DPP6: variants seen among roughly 807,000 people sequenced by gnomAD.
The protein encoded by DPP6 is A-type potassium channel modulatory protein DPP6.
A neutral mutation model predicts 122.6 loss-of-function variants in DPP6; 69 were observed. That is an observed-to-expected ratio of 0.56 (90% CI 0.46 to 0.69). The LOEUF is 0.69. DPP6 is among the 30% of genes least tolerant of loss of function. The probability of loss-of-function intolerance (pLI) is 0.00; values close to 1 mark genes in which losing one functional copy is unlikely to be tolerated. For synonymous variants in DPP6, 418 were observed against 433.1 expected (o/e 0.97, Z 0.43); for missense variants, 928 against 1,116.9 (o/e 0.83, Z 2.41).
At chr7:153,897,359 T>C (rs1464032606) in intron 1 of DPP6, among the ~76,000 whole-genome samples, 1 of 152,236 alleles carries the variant, frequency 6.6e-6, no homozygotes, top group Non-Finnish European at 1.5e-5. Context: ...TGGGAGAGTA[T>C]GTCTTCTGCT....
chr7:154,540,951 A>G (rs1828676925), intron 4 of DPP6, among the ~76,000 whole-genome samples: 1 of 152,202 alleles, frequency 6.6e-6, no homozygotes, highest in Non-Finnish European at 1.5e-5. Flanking sequence ...AGAATACTTC[A>G]GGAGAATTTG....
intron 21 of DPP6, among the ~76,000 whole-genome samples, chr7:154,881,885 G>A (rs944905710): frequency 2.6e-5 from 4 of 152,084 alleles, no homozygotes; most frequent in Non-Finnish European, 5.9e-5. Context: ...TGCATTCCAG[G>A]TGCCTAGATG....
intron 6 of DPP6, among the ~76,000 whole-genome samples, chr7:154,644,628 G>C (rs1468705216): frequency 6.6e-6 from 1 of 151,818 alleles, no homozygotes; most frequent in Non-Finnish European, 1.5e-5. Flanking sequence ...GCTGCCGGAA[G>C]TTACAGAACT....
At chr7:154,412,935 A>G (rs113390019) in intron 1 of DPP6, among the ~76,000 whole-genome samples, 5,665 of 152,284 alleles carry the variant, frequency 0.037, 167 homozygotes, top group Non-Finnish European at 0.057. Context: ...TCCTCATGAG[A>G]AACACCTTTC....
At chr7:154,718,097 T>G (rs956326157) in intron 7 of DPP6, among the ~76,000 whole-genome samples, 3 of 152,222 alleles carry the variant, frequency 2.0e-5, no homozygotes, top group Non-Finnish European at 4.4e-5. Flanking sequence ...TTTAATCAAA[T>G]GATTTGGTTT....
intron 18 of DPP6, 70 bp from the exon 19 acceptor site, chr7:154,872,554 C>T (rs1584946891): frequency 4.5e-6 from 7 of 1,541,856 alleles, no homozygotes; most frequent in Non-Finnish European, 5.3e-6. Context: ...CCACGGTCAC[C>T]CAAGGGCATG....
intron 1 of DPP6, among the ~76,000 whole-genome samples, chr7:153,889,103 C>T (rs955695529): frequency 3.3e-5 from 5 of 152,168 alleles, no homozygotes; most frequent in Non-Finnish European, 7.3e-5. Flanking sequence ...TTCAAGACAC[C>T]TCGCAGGGAA....
At chr7:154,861,541 A>G (rs1227133246) in intron 17 of DPP6, among the ~76,000 whole-genome samples, 1 of 152,108 alleles carries the variant, frequency 6.6e-6, no homozygotes, top group Admixed American at 6.6e-5. Context: ...ACGTCATTTA[A>G]TCTTGGAAAT....
chr7:154,046,243 A>C lies in DPP6; in HGVS notation c.51+158509A>C, dbSNP rs76556859. Among the ~76,000 whole-genome samples the C allele has an allele frequency of 9.9e-5, 15 of 152,272 alleles. No homozygotes were observed. In the East Asian group the frequency reaches 2.9e-3, roughly 29 times the overall value. The stretch of plus-strand genomic sequence containing the variant: ...GGGACATGTTTTTGTATGGTGGATC[A>C]TCAGAGTGCAGAAGCCAGCTAGGGT... On this transcript the variant is annotated intron_variant, in intron 1 of 25. Coordinates refer to the DPP6 transcript ENST00000404039.
At chr7:154,884,599 A>G (rs1805938706) in intron 21 of DPP6, 1 of 151,514 alleles carries the variant, frequency 6.6e-6, no homozygotes, top group African/African-American at 2.4e-5. Flanking sequence ...ATGCTCATAC[A>G]TACACGATTA....
intron 3 of DPP6, among the ~76,000 whole-genome samples, chr7:154,498,716 C>T (rs1824966601): frequency 6.6e-6 from 1 of 152,112 alleles, no homozygotes; most frequent in Non-Finnish European, 1.5e-5. Flanking sequence ...GTGTTCCAAC[C>T]TCAGCACTAT....
At chr7:154,796,195 C>T (rs1478762300) in intron 12 of DPP6, 1 of 358,386 alleles carries the variant, frequency 2.8e-6, no homozygotes, top group East Asian at 4.5e-5. Flanking sequence ...AATGAACAGT[C>T]CATCAAAGGT....
chr7:154,588,796 C>T (rs1227757690), intron 5 of DPP6, among the ~76,000 whole-genome samples: 1 of 152,160 alleles, frequency 6.6e-6, no homozygotes, highest in East Asian at 1.9e-4. Flanking sequence ...TATGCAGTTA[C>T]CTGCTAGCTT....
At chr7:154,193,795 T>C (rs535931321) in intron 1 of DPP6, among the ~76,000 whole-genome samples, 1 of 151,936 alleles carries the variant, frequency 6.6e-6, no homozygotes, top group African/African-American at 2.4e-5. Flanking sequence ...AGTATGGAAA[T>C]AGGAAGAAAG....
intron 7 of DPP6, among the ~76,000 whole-genome samples, chr7:154,678,294 T>C (rs1448542051): frequency 6.6e-6 from 1 of 152,174 alleles, no homozygotes; most frequent in Non-Finnish European, 1.5e-5. Flanking sequence ...CTTTCCTTCT[T>C]CACAATAAAT....
chr7:154,228,038 TAACAGC>T, intron 1 of DPP6, among the ~76,000 whole-genome samples: 1 of 152,232 alleles, frequency 6.6e-6, no homozygotes, highest in Middle Eastern at 3.2e-3. Flanking sequence ...ATTCCACTGG[TAACAGC>T]AAATTTAAAA....
At chr7:154,532,345 C>T (rs757116983) in intron 3 of DPP6, among the ~76,000 whole-genome samples, 6 of 151,964 alleles carry the variant, frequency 3.9e-5, no homozygotes, top group Non-Finnish European at 4.4e-5. Flanking sequence ...TAATGCTATA[C>T]ACACAGGAAA....
chr7:154,679,300 T>C (rs1839137052), intron 7 of DPP6, among the ~76,000 whole-genome samples: 1 of 152,190 alleles, frequency 6.6e-6, no homozygotes, highest in South Asian at 2.1e-4. Flanking sequence ...CCTGTGGCTT[T>C]AGAAAAGGCC....
chr7:153,951,336 A>T (rs1802201551), intron 1 of DPP6, among the ~76,000 whole-genome samples: 1 of 152,174 alleles, frequency 6.6e-6, no homozygotes, highest in African/African-American at 2.4e-5. Flanking sequence ...GAGGGAGAAT[A>T]TCTGACCTGC....
Sources: allele counts gnomAD v4.1 joint callset (sites outside exome capture counted in the v4.1 genomes callset), GRCh38; gene constraint gnomAD v4.1.1; transcripts MANE v1.5; gene names NCBI Gene and HGNC (gene_info 2026-07-23, HGNC 2026-07-21).